The following KDSR variants were observed in gnomAD, a reference collection of about 807,000 sequenced individuals.
KDSR encodes 3-dehydrosphinganine reductase.
In KDSR, 23 loss-of-function variants were observed where a neutral mutation model predicts 41.3. That is an observed-to-expected ratio of 0.56 (90% CI 0.40 to 0.79). The LOEUF (loss-of-function observed/expected upper bound fraction) is 0.79. Among genes scored for constraint, KDSR ranks in the 30% least tolerant of loss-of-function variants. KDSR has a pLI of 0.00. For missense variants in KDSR, 351 were observed against 416.8 expected, an observed-to-expected ratio of 0.84 and a Z score of 1.37; for synonymous variants, 138 against 151.7, an observed-to-expected ratio of 0.91 and a Z score of 0.66.
At chr18:63,339,125 G>A (rs1422946636) in intron 7 of KDSR, among the ~76,000 whole-genome samples, 1 of 152,226 alleles carries the variant, frequency 6.6e-6, no homozygotes, top group Non-Finnish European at 1.5e-5. Context: ...AACATACGGA[G>A]TCTTGGCTCC....
intron 7 of KDSR, 104 bp downstream of exon 7, chr18:63,344,302 CAACA>C: frequency 1.4e-6 from 1 of 717,090 alleles, no homozygotes; most frequent in Middle Eastern, 2.4e-4. Flanking sequence ...GCACTCTACC[CAACA>C]AACATTGTTG....
chr18:63,337,704 A>C (rs1012479194), intron 8 of KDSR, among the ~76,000 whole-genome samples: 1 of 152,198 alleles, frequency 6.6e-6, no homozygotes, highest in African/African-American at 2.4e-5. Context: ...AGGCGTGCGG[A>C]TTACCCGAAA....
At chr18:63,361,256 C>T (rs2144380117) in intron 2 of KDSR, among the ~76,000 whole-genome samples, 1 of 141,438 alleles carries the variant, frequency 7.1e-6, no homozygotes, top group East Asian at 2.2e-4. Flanking sequence ...TACTCAACAC[C>T]ACAGGTTCTT....
chr18:63,340,321 A>G (rs148749081), intron 7 of KDSR, among the ~76,000 whole-genome samples: 4,265 of 152,328 alleles, frequency 0.028, 125 homozygotes, highest in Admixed American at 0.075. Context: ...TCTTTGAAAT[A>G]GCAGTAATTT....
chr18:63,348,695 C>A (rs935235586), intron 6 of KDSR, among the ~76,000 whole-genome samples: 1 of 152,134 alleles, frequency 6.6e-6, no homozygotes, highest in Non-Finnish European at 1.5e-5. Context: ...TACCAGCAAT[C>A]CACTTTCTTT....
chr18:63,357,930 C>T (rs1025812723), intron 3 of KDSR, among the ~76,000 whole-genome samples: 5 of 152,106 alleles, frequency 3.3e-5, no homozygotes, highest in African/African-American at 9.7e-5. Context: ...GTAATCCCAG[C>T]ACTTTCAGAG....
Position 63,328,684 on chromosome 18 carries a change from T to C in KDSR, c.*3098A>G, listed in dbSNP as rs1436255439. 1 of 173,920 alleles carries C rather than the reference T, an allele frequency of 5.7e-6. No homozygotes were observed. The highest frequency in any genetic ancestry group is 1.2e-5 in the Non-Finnish European group (1 of 80,408). The allele number at this position is 173,920 out of a possible 1,614,324, so 10.8% of individuals were successfully genotyped here. ...CCAGAGAAAGATTTATAACTAAATA[T>C]ATAGAAAAGAATAATTCCCATGATT... On this transcript the variant is annotated 3_prime_UTR_variant, in exon 10 of 10. Transcript: ENST00000645214.
In KDSR at chr18:63,327,785, G is replaced by A. The variant is rs373862294; in HGVS notation, c.*3997C>T. ...TTTTTGTTGTGATTCAGAAATACAA[G>A]GTATGAAAATTAGATTACAATTCTG... is the stretch of plus-strand genomic sequence containing the variant. On this transcript the variant is annotated 3_prime_UTR_variant, in exon 10 of 10. Transcript: ENST00000645214. 1.6e-4 allele frequency: 29 copies of A among 186,982 alleles called. 1 individual carries two copies. The highest frequency in any genetic ancestry group is 5.4e-4 in the African/African-American group (23 of 42,852). 11.6% of individuals were successfully genotyped at this position (186,982 alleles called of 1,614,324 possible).
Position 63,331,484 on chromosome 18 carries a change from A to G in KDSR, c.*298T>C, listed in dbSNP as rs1654516407. On this transcript the variant is annotated 3_prime_UTR_variant, in exon 10 of 10. Coordinates refer to ENST00000645214, the MANE Select transcript of KDSR (RefSeq NM_002035.4). ...ATAAATAGAAACAAATTTAATGATC[A>G]TTCTGGAATCCTGTTCTTTACTTTG... is the stretch of plus-strand genomic sequence containing the variant. The G allele has an allele frequency of 3.8e-6, 1 of 260,824 alleles. No individual in the cohort carries two copies. The highest frequency in any genetic ancestry group is 7.3e-6 in the Non-Finnish European group (1 of 137,114). 16.2% of individuals were successfully genotyped at this position (260,824 alleles called of 1,614,324 possible). A position where few individuals can be genotyped will look rare whatever the true frequency, so the allele number is the denominator to read the frequency against.
At chr18:63,359,835 T>C in intron 2 of KDSR, 43 bp from the exon 3 acceptor site, 3 of 1,315,510 alleles carry the variant, frequency 2.3e-6, no homozygotes, top group Non-Finnish European at 3.3e-6. Flanking sequence ...ACCGTCTATA[T>C]GCATGTCCGT....
chr18:63,329,196 C>T lies in KDSR; in HGVS notation c.*2586G>A, dbSNP rs910866075. On this transcript the variant is annotated 3_prime_UTR_variant, in exon 10 of 10. Coordinates refer to ENST00000645214, the MANE Select transcript of KDSR (RefSeq NM_002035.4). Reference sequence around the variant, plus strand: ...CCATTATGTGAGGCTGCTTAAATGCCTACAACCCCTTATCCAAAACCCGCT... The same window carrying T: ...CCATTATGTGAGGCTGCTTAAATGCTTACAACCCCTTATCCAAAACCCGCT... 3 of 206,958 alleles carry T rather than the reference C, an allele frequency of 1.4e-5. No individual in the cohort carries two copies. Among genetic ancestry groups the T allele is most frequent in the Non-Finnish European group, 3.0e-5 (3 of 101,542 alleles). 12.8% of individuals were successfully genotyped at this position (206,958 alleles called of 1,614,324 possible). A position where few individuals can be genotyped will look rare whatever the true frequency, so the allele number is the denominator to read the frequency against.
chr18:63,355,175 T>C (rs1306487416), intron 5 of KDSR, 29 bp downstream of exon 5: 7 of 1,414,702 alleles, frequency 4.9e-6, no homozygotes, highest in Non-Finnish European at 7.0e-6. Flanking sequence ...GCATATGTGC[T>C]ACTGCAGTGA....
chr18:63,361,587 C>G (rs140516051), intron 2 of KDSR, among the ~76,000 whole-genome samples: 3 of 151,728 alleles, frequency 2.0e-5, no homozygotes, highest in Non-Finnish European at 1.5e-5. Flanking sequence ...GAGGCCAAGG[C>G]GGGCGGATCA....
chr18:63,342,784 C>T (rs1914379631), intron 7 of KDSR, among the ~76,000 whole-genome samples: 1 of 152,104 alleles, frequency 6.6e-6, no homozygotes, highest in African/African-American at 2.4e-5. Flanking sequence ...GCAGCCTCGA[C>T]GTCCTAGGCT....
At chr18:63,357,529 TATATATATATATACAC>T (rs1914829813) in intron 3 of KDSR, among the ~76,000 whole-genome samples, 1 of 143,516 alleles carries the variant, frequency 7.0e-6, no homozygotes, top group African/African-American at 2.6e-5. Context: ...TTTTTAAAAT[TATATATATATATACAC>T]ATATATATAC....
chr18:63,365,005 T>C (rs1397092691), intron 1 of KDSR, among the ~76,000 whole-genome samples: 1 of 152,232 alleles, frequency 6.6e-6, no homozygotes, highest in Non-Finnish European at 1.5e-5. Context: ...CATTGGGAAG[T>C]GTCTCCTACG....
intron 7 of KDSR, among the ~76,000 whole-genome samples, chr18:63,340,907 C>T (rs1471617543): frequency 6.6e-6 from 1 of 152,202 alleles, no homozygotes; most frequent in Non-Finnish European, 1.5e-5. Flanking sequence ...GCCCTGCTTG[C>T]CTCCCACAAC....
intron 3 of KDSR, among the ~76,000 whole-genome samples, chr18:63,357,824 G>A (rs893713650): frequency 6.6e-5 from 10 of 151,852 alleles, no homozygotes; most frequent in South Asian, 6.2e-4. Context: ...TGATTTGCCC[G>A]TCTCGGCCTC....
At chr18:63,363,632 T>G (rs935459845) in intron 1 of KDSR, among the ~76,000 whole-genome samples, 2 of 152,056 alleles carry the variant, frequency 1.3e-5, no homozygotes, top group African/African-American at 4.8e-5. Context: ...TGTTGGACAT[T>G]TGGGTTGGTT....
Sources: allele counts gnomAD v4.1 joint callset (sites outside exome capture counted in the v4.1 genomes callset), GRCh38; gene constraint gnomAD v4.1.1; transcripts MANE v1.5; gene names NCBI Gene and HGNC (gene_info 2026-07-23, HGNC 2026-07-21).